Variants in ARHGEF28 observed in about 807,000 individuals in gnomAD.
ARHGEF28 encodes 190 kDa guanine nucleotide exchange factor.
Under a neutral mutation model 206.6 loss-of-function variants are expected in ARHGEF28, and 152 were observed. The ratio of observed to expected loss-of-function variants is 0.74; its 90% CI spans 0.64 to 0.84. ARHGEF28 has a LOEUF of 0.84. Ranked by LOEUF, ARHGEF28 falls within the 40% of genes least tolerant of loss-of-function variation. The probability of loss-of-function intolerance (pLI) is 0.00; values close to 1 mark genes in which losing one functional copy is unlikely to be tolerated. For synonymous variants in ARHGEF28, 763 were observed against 776.4 expected, an observed-to-expected ratio of 0.98 and a Z score of 0.29; for missense variants, 2,028 against 2,073.2, an observed-to-expected ratio of 0.98 and a Z score of 0.42.
At chr5:73,870,882 T>A (rs1383390152) in intron 21 of ARHGEF28, among the ~76,000 whole-genome samples, 1 of 152,224 alleles carries the variant, frequency 6.6e-6, no homozygotes, top group African/African-American at 2.4e-5. Context: ...AAAGATACCC[T>A]ACTTTAAAGA....
rs746487828 is a variant in ARHGEF28 at position 73,940,943 on chromosome 5, C to T, written c.5048C>T (p.Pro1683Leu). 405 of 1,534,356 alleles carry T rather than the reference C, an allele frequency of 2.6e-4. No individual in the cohort carries two copies. Among genetic ancestry groups the T allele is most frequent in the African/African-American group, 3.0e-4 (22 of 73,060 alleles). ...AFITEAKLNL[P>L]TRTMTRQDGE... is the part of the protein sequence containing the mutation. ...ATAACAGAAGCAAAGCTAAATCTAC[C>T]GACAAGGACAATGACCAGACAAGAT... is the stretch of plus-strand genomic sequence containing the variant. The change falls in exon 36 of 36, where the codon CCG (proline) becomes CTG (leucine). Residue 1683 changes from proline to leucine, a missense_variant. Physicochemically the swap from Pro to Leu is moderately conservative, Grantham distance 98. This residue lies in a region of ARHGEF28 where 803 missense variants were observed against 768.0 expected (regional missense o/e 1.05). Transcript: ENST00000513042.
intron 14 of ARHGEF28, among the ~76,000 whole-genome samples, chr5:73,857,009 C>T (rs1759085662): frequency 6.6e-6 from 1 of 152,002 alleles, no homozygotes; most frequent in Non-Finnish European, 1.5e-5. Flanking sequence ...AAACGGTGTT[C>T]AGGGTATTCA....
chr5:73,859,816 C>T (rs890471337), intron 16 of ARHGEF28, among the ~76,000 whole-genome samples: 3 of 152,048 alleles, frequency 2.0e-5, no homozygotes. Context: ...TCGATGCATC[C>T]CTGGCCACAC....
chr5:73,840,810 T>C (rs775389639), intron 11 of ARHGEF28, 50 bp downstream of exon 11: 21 of 1,510,314 alleles, frequency 1.4e-5, no homozygotes, highest in Admixed American at 9.7e-5. Flanking sequence ...AAGAACCTTA[T>C]AGGTAGACTT....
intron 7 of ARHGEF28, among the ~76,000 whole-genome samples, chr5:73,785,304 C>T (rs903532744): frequency 1.3e-5 from 2 of 152,212 alleles, no homozygotes; most frequent in Middle Eastern, 3.4e-3. Context: ...ATGGATCACA[C>T]GAGAGTCCTT....
chr5:73,888,304 G>C (rs1013429367), intron 26 of ARHGEF28, among the ~76,000 whole-genome samples: 1 of 152,240 alleles, frequency 6.6e-6, no homozygotes, highest in Non-Finnish European at 1.5e-5. Flanking sequence ...GTGTGTTAGA[G>C]TAATCTAATT....
At chr5:73,887,774 C>T (rs77304299) in intron 26 of ARHGEF28, 95 bp downstream of exon 26, 9 of 1,045,236 alleles carry the variant, frequency 8.6e-6, no homozygotes, top group Non-Finnish European at 1.2e-5. Flanking sequence ...ATAATAGTCA[C>T]AGGGAAGTAT....
chr5:73,706,554 C>G (rs140389336), intron 2 of ARHGEF28, among the ~76,000 whole-genome samples: 1 of 152,102 alleles, frequency 6.6e-6, no homozygotes, highest in South Asian at 2.1e-4. Flanking sequence ...TTTTTCCTGC[C>G]GATTTCTGGA....
chr5:73,691,290 A>C (rs1009839025), intron 2 of ARHGEF28, among the ~76,000 whole-genome samples: 1 of 96,792 alleles, frequency 1.0e-5, no homozygotes, highest in Non-Finnish European at 2.1e-5. Context: ...TTGTTTGGCA[A>C]ATGTGTACAC....
intron 1 of ARHGEF28, among the ~76,000 whole-genome samples, chr5:73,649,014 T>C (rs2134157): frequency 0.78 from 119,044 of 152,184 alleles, 47,075 homozygotes; most frequent in African/African-American, 0.9. Flanking sequence ...ATAATGTGTG[T>C]ATGTGCCAGG....
chr5:73,898,059 C>G lies in ARHGEF28; in HGVS notation c.3939C>G (p.Leu1313=). The G allele has an allele frequency of 6.2e-7, 1 of 1,612,028 alleles. No individual in the cohort carries two copies. The highest frequency in any genetic ancestry group is 8.5e-7 in the Non-Finnish European group (1 of 1,179,156). ...GAGACTCTGTCTTGGCGGACACACTCAGTTCTCATGATGTACCAGGATCAC... is the reference window on the plus strand; with the variant it reads ...GAGACTCTGTCTTGGCGGACACACTGAGTTCTCATGATGTACCAGGATCAC... ...SCGDSVLADT[L]SSHDVPGSPT... The change falls in exon 30 of 36, where the codon CTC becomes CTG. Residue 1313 remains leucine, a synonymous_variant. Transcript: ENST00000513042.
At chr5:73,691,821 A>G (rs529682098) in intron 2 of ARHGEF28, among the ~76,000 whole-genome samples, 5 of 152,202 alleles carry the variant, frequency 3.3e-5, no homozygotes, top group Admixed American at 6.5e-5. Flanking sequence ...ATTGATGGCC[A>G]TTCACTTTGT....
intron 8 of ARHGEF28, among the ~76,000 whole-genome samples, chr5:73,794,763 C>T (rs1262857691): frequency 2.0e-5 from 3 of 151,978 alleles, no homozygotes; most frequent in Admixed American, 6.6e-5. Flanking sequence ...CCCACCACCA[C>T]GTCTGGCTAA....
At chr5:73,810,639 A>T (rs1031828150) in intron 9 of ARHGEF28, among the ~76,000 whole-genome samples, 11 of 152,068 alleles carry the variant, frequency 7.2e-5, no homozygotes, top group Non-Finnish European at 1.6e-4. Context: ...GCTTGTTGTA[A>T]ATTATTGCAG....
chr5:73,869,229 G>GGC (rs1554072949), intron 20 of ARHGEF28, among the ~76,000 whole-genome samples: 3 of 125,516 alleles, frequency 2.4e-5, no homozygotes, highest in Admixed American at 1.7e-4. Context: ...GGGTGGAGGG[G>GGC]GGTGGGGAAG....
At chr5:73,733,202 G>A (rs565918948) in intron 2 of ARHGEF28, among the ~76,000 whole-genome samples, 2 of 152,184 alleles carry the variant, frequency 1.3e-5, no homozygotes, top group African/African-American at 4.8e-5. Context: ...TGTATATCCT[G>A]TGTTATTCCT....
rs537529162 is a variant in ARHGEF28, at chr5:73,863,296, C to A, written c.2048-1521C>A. The A allele has an allele frequency of 5.9e-5, 9 of 152,180 alleles. No individual in the cohort carries two copies. The South Asian group carries it at 1.7e-3, about 28-fold the overall frequency. 9.4% of individuals were successfully genotyped at this position (152,180 alleles called of 1,614,324 possible). On this transcript the variant is annotated intron_variant, in intron 16 of 35. Transcript: ENST00000513042. ...GGCGCTTTTTCAGCTTTATAGAATT[C>A]TTGTCTATGGTGGCTTTGACTGTCA...
intron 21 of ARHGEF28, among the ~76,000 whole-genome samples, chr5:73,871,774 C>A (rs984726694): frequency 6.6e-6 from 1 of 152,224 alleles, no homozygotes; most frequent in Non-Finnish European, 1.5e-5. Context: ...TTACCCCTTC[C>A]GCCAGCCTCT....
chr5:73,630,357 A>G (rs1743287215), intron 1 of ARHGEF28, among the ~76,000 whole-genome samples: 1 of 152,250 alleles, frequency 6.6e-6, no homozygotes, highest in Non-Finnish European at 1.5e-5. Flanking sequence ...GTCTGGGTTA[A>G]ATAGCCCCAA....
Sources: gnomAD v4.1 joint callset for allele counts (sites outside exome capture counted in the v4.1 genomes callset) on GRCh38, gnomAD v4.1.1 for gene constraint, gnomAD v4.1.1 regional missense constraint, MANE v1.5 for transcripts, NCBI Gene and HGNC (gene_info 2026-07-23, HGNC 2026-07-21) for gene names.